SEMA6D: variants seen among roughly 807,000 people sequenced by gnomAD.
The protein encoded by SEMA6D is semaphorin-6D.
A neutral mutation model predicts 106.6 loss-of-function variants in SEMA6D; 35 were observed. The ratio of observed to expected loss-of-function variants is 0.33; its 90% CI spans 0.25 to 0.44. SEMA6D has a LOEUF of 0.44. Among genes scored for constraint, SEMA6D ranks in the 20% least tolerant of loss-of-function variants. The pLI is 1.00. For synonymous variants in SEMA6D, 499 were observed against 487.7 expected (o/e 1.02, Z -0.31); for missense variants, 1,185 against 1,345.9 (o/e 0.88, Z 1.87).
At chr15:47,672,447 T>C (rs898121231) in intron 4 of SEMA6D, among the ~76,000 whole-genome samples, 1 of 152,184 alleles carries the variant, frequency 6.6e-6, no homozygotes, top group African/African-American at 2.4e-5. Flanking sequence ...TACATAAAAG[T>C]CAATCACATG....
chr15:47,191,785 T>C lies in SEMA6D; in HGVS notation c.-239+7367T>C, dbSNP rs866863145. On this transcript the variant is annotated intron_variant, in intron 1 of 19. Transcript: ENST00000558014. ...TAGGAGATGGTATAGAAAAGCTTAA[T>C]GGGAGAATTGAAGCTAAAAGTCAGG... is the stretch of plus-strand genomic sequence containing the variant. Among the ~76,000 whole-genome samples the C allele has an allele frequency of 6.7e-4, 102 of 152,104 alleles. 1 individual carries two copies. The highest frequency in any genetic ancestry group is 2.3e-3 in the African/African-American group (94 of 41,406).
chr15:47,648,015 A>G (rs1273748361), intron 4 of SEMA6D, among the ~76,000 whole-genome samples: 1 of 152,200 alleles, frequency 6.6e-6, no homozygotes, highest in Admixed American at 6.5e-5. Context: ...ATGTAAACTT[A>G]CTTGAGGATA....
At chr15:47,528,956 A>G (rs1225420666) in intron 3 of SEMA6D, among the ~76,000 whole-genome samples, 1 of 152,204 alleles carries the variant, frequency 6.6e-6, no homozygotes, top group African/African-American at 2.4e-5. Flanking sequence ...TGTTCATGTT[A>G]TACATACTAT....
intron 4 of SEMA6D, among the ~76,000 whole-genome samples, chr15:47,706,855 T>A (rs1334728993): frequency 6.6e-6 from 1 of 152,236 alleles, no homozygotes; most frequent in African/African-American, 2.4e-5. Flanking sequence ...CTATAACTAT[T>A]ACATGATAAA....
At chr15:47,746,940 A>G (rs1736391774) in intron 1 of SEMA6D, among the ~76,000 whole-genome samples, 2 of 147,910 alleles carry the variant, frequency 1.4e-5, no homozygotes, top group South Asian at 2.2e-4. Flanking sequence ...AGGAGACACG[A>G]TTGTTCATTT....
chr15:47,477,117 A>G (rs889734620), intron 3 of SEMA6D, among the ~76,000 whole-genome samples: 3 of 152,214 alleles, frequency 2.0e-5, no homozygotes, highest in African/African-American at 7.2e-5. Context: ...TTTTTTAAAT[A>G]TCAGGAAAAT....
At chr15:47,470,613 T>A (rs2042806915) in intron 3 of SEMA6D, 1 of 152,170 alleles carries the variant, frequency 6.6e-6, no homozygotes, top group African/African-American at 2.4e-5. Flanking sequence ...TGATTTAAGT[T>A]TGAACTTGGA....
At chr15:47,649,360 A>G (rs904918406) in intron 4 of SEMA6D, among the ~76,000 whole-genome samples, 5 of 152,246 alleles carry the variant, frequency 3.3e-5, no homozygotes, top group Non-Finnish European at 7.3e-5. Context: ...CTGGGACATT[A>G]TCAGCTAACA....
intron 4 of SEMA6D, among the ~76,000 whole-genome samples, chr15:47,609,015 A>G (rs2076838098): frequency 6.6e-6 from 1 of 152,224 alleles, no homozygotes; most frequent in African/African-American, 2.4e-5. Flanking sequence ...ATAGGTGAGA[A>G]TTCAATGTGT....
intron 1 of SEMA6D, among the ~76,000 whole-genome samples, chr15:47,289,084 A>G (rs1031105355): frequency 6.6e-6 from 1 of 152,114 alleles, no homozygotes; most frequent in Non-Finnish European, 1.5e-5. Flanking sequence ...ATTTATTTTA[A>G]GGCACCAACT....
intron 1 of SEMA6D, among the ~76,000 whole-genome samples, chr15:47,383,225 C>G (rs1008300387): frequency 6.6e-6 from 1 of 152,112 alleles, no homozygotes; most frequent in African/African-American, 2.4e-5. Context: ...TCCCTATGGT[C>G]GAGGAGGTAT....
chr15:47,541,506 A>G (rs752154479), intron 3 of SEMA6D, among the ~76,000 whole-genome samples: 3 of 152,186 alleles, frequency 2.0e-5, no homozygotes, highest in Non-Finnish European at 4.4e-5. Context: ...TGATGTTTCT[A>G]ACAGCATTTT....
chr15:47,320,397 C>G (rs562851310), intron 1 of SEMA6D, among the ~76,000 whole-genome samples: 14 of 151,762 alleles, frequency 9.2e-5, no homozygotes, highest in African/African-American at 3.2e-4. Flanking sequence ...TTTGTTTTGC[C>G]TATTGTCCCT....
chr15:47,698,473 A>G (rs1319331433), intron 4 of SEMA6D, among the ~76,000 whole-genome samples: 2 of 152,210 alleles, frequency 1.3e-5, no homozygotes, highest in African/African-American at 2.4e-5. Context: ...GGCTACTAAA[A>G]TCTTCCTACC....
chr15:47,764,968 A>G lies in SEMA6D; in HGVS notation c.1339A>G (p.Met447Val), dbSNP rs2147821047. 2 of 1,613,896 alleles carry G rather than the reference A, an allele frequency of 1.2e-6. No homozygotes were observed. Among genetic ancestry groups the G allele is most frequent in the East Asian group, 4.5e-5 (2 of 44,840 alleles). The change falls in exon 13 of 19, where the codon ATG (methionine) becomes GTG (valine). Residue 447 changes from methionine to valine, a missense_variant. By Grantham distance (21) the Met-to-Val change is conservative. Coordinates refer to ENST00000536845, the MANE Select transcript of SEMA6D (RefSeq NM_001358351.3). ...CATCTTTGTTGGCTCTGAAGCTGGC[A>G]TGGTACTTAAAGTTCTGGCAAAGAC... is the stretch of plus-strand genomic sequence containing the variant. ...TVIFVGSEAG[M>V]VLKVLAKTSP...
At chr15:47,510,541 A>G (rs1329200715) in intron 3 of SEMA6D, among the ~76,000 whole-genome samples, 1 of 152,202 alleles carries the variant, frequency 6.6e-6, no homozygotes, top group Admixed American at 6.5e-5. Context: ...TTGCAGAGAT[A>G]AAGGAGAAAT....
intron 3 of SEMA6D, among the ~76,000 whole-genome samples, chr15:47,580,779 T>A (rs1287624879): frequency 6.6e-6 from 1 of 152,178 alleles, no homozygotes; most frequent in East Asian, 1.9e-4. Flanking sequence ...TGCTATCAGA[T>A]CCCCTATAAT....
At chr15:47,382,784 A>G (rs1195367051) in intron 1 of SEMA6D, among the ~76,000 whole-genome samples, 3 of 152,136 alleles carry the variant, frequency 2.0e-5, no homozygotes, top group African/African-American at 4.8e-5. Context: ...TGGTGAAGAC[A>G]AGTGACGGAG....
upstream of SEMA6D, chr15:47,716,919 A>G (rs956525771): frequency 1.0e-5 from 1 of 98,792 alleles, no homozygotes; most frequent in African/African-American, 4.0e-5. Context: ...GGTTATAAAG[A>G]GAAATGGGGG....
Sources: gnomAD v4.1 joint callset for allele counts (sites outside exome capture counted in the v4.1 genomes callset) on GRCh38, gnomAD v4.1.1 for gene constraint, MANE v1.5 for transcripts, NCBI Gene and HGNC (gene_info 2026-07-23, HGNC 2026-07-21) for gene names.